The following PPM1E variants were observed in gnomAD, a reference collection of about 807,000 sequenced individuals.
PPM1E encodes the protein protein phosphatase 1E.
Under a neutral mutation model 65.9 loss-of-function variants are expected in PPM1E, and 20 were observed. The ratio of observed to expected loss-of-function variants is 0.30; its 90% CI spans 0.21 to 0.44. The LOEUF is 0.44. Ranked by LOEUF, PPM1E falls within the 20% of genes least tolerant of loss-of-function variation. The pLI, the probability that PPM1E is intolerant of heterozygous loss-of-function variation, is 1.00. For missense variants in PPM1E, 713 were observed against 953.1 expected, an observed-to-expected ratio of 0.75 and a Z score of 3.32; for synonymous variants, 352 against 374.9, an observed-to-expected ratio of 0.94 and a Z score of 0.70.
chr17:58,837,591 A>G (rs902359933), intron 1 of PPM1E, among the ~76,000 whole-genome samples: 3 of 149,750 alleles, frequency 2.0e-5, no homozygotes, highest in Non-Finnish European at 4.4e-5. Flanking sequence ...TCTGCCTCCC[A>G]GGTACAAGTG....
intron 1 of PPM1E, among the ~76,000 whole-genome samples, chr17:58,933,262 G>T (rs1459445463): frequency 6.6e-6 from 1 of 152,100 alleles, no homozygotes; most frequent in Non-Finnish European, 1.5e-5. Context: ...CTATTTGTAT[G>T]GCTATAATAA....
chr17:58,823,788 T>G (rs1470961012), intron 1 of PPM1E, among the ~76,000 whole-genome samples: 1 of 152,192 alleles, frequency 6.6e-6, no homozygotes, highest in African/African-American at 2.4e-5. Context: ...TGGAGTGCAG[T>G]GGCTCGATCT....
intron 1 of PPM1E, among the ~76,000 whole-genome samples, chr17:58,801,746 T>C (rs918859789): frequency 6.6e-6 from 1 of 151,554 alleles, no homozygotes; most frequent in South Asian, 2.1e-4. Flanking sequence ...CGGCTCCCCT[T>C]CAGTTTTTTT....
chr17:58,874,612 T>C (rs2051108726), intron 1 of PPM1E, among the ~76,000 whole-genome samples: 1 of 152,186 alleles, frequency 6.6e-6, no homozygotes, highest in African/African-American at 2.4e-5. Context: ...ACCTCAAAGA[T>C]ATATCAGTTA....
intron 1 of PPM1E, among the ~76,000 whole-genome samples, chr17:58,875,596 C>T (rs1167553448): frequency 6.6e-6 from 1 of 152,136 alleles, no homozygotes; most frequent in Non-Finnish European, 1.5e-5. Context: ...ATATAAGTTG[C>T]TTCTGTTTTA....
intron 1 of PPM1E, among the ~76,000 whole-genome samples, chr17:58,935,115 G>A (rs1342722405): frequency 6.6e-6 from 1 of 151,414 alleles, no homozygotes; most frequent in African/African-American, 2.4e-5. Flanking sequence ...GCTGGGCGCA[G>A]TGGCGGGTGC....
rs552061516 is a variant in PPM1E at position 58,944,877 on chromosome 17, T to A, written c.465-10772T>A. On this transcript the variant is annotated intron_variant, in intron 1 of 6. Transcript: ENST00000308249. ...GAGTGGAATTGCTGGGCTGGCCATA[T>A]GGTAACTTTATGTTTAAAATGTTAA... Among the ~76,000 whole-genome samples, 39 of 152,318 alleles carry A rather than the reference T, an allele frequency of 2.6e-4. 1 individual carries two copies. The South Asian group carries it at 7.9e-3, about 31-fold the overall frequency.
rs2049761971 is a variant in PPM1E, at chr17:58,756,255, G to A, written c.258G>A (p.Glu86=). ...AGGGGGACCAGGAGCAAGACCCGGA[G>A]CCCGAGGAGGAGGCGGCGGTTGAGG... ...TEEGDQEQDP[E]PEEEAAVEGE... The change falls in exon 1 of 7, where the codon GAG becomes GAA. Residue 86 remains glutamate (E), a synonymous_variant. Coordinates refer to ENST00000308249, the MANE Select transcript of PPM1E (RefSeq NM_014906.5). The A allele has an allele frequency of 1.9e-6, 3 of 1,550,328 alleles. No homozygotes were observed. The highest frequency in any genetic ancestry group is 2.6e-6 in the Non-Finnish European group (3 of 1,146,602).
At chr17:58,799,860 G>A (rs911023061) in intron 1 of PPM1E, among the ~76,000 whole-genome samples, 6 of 152,218 alleles carry the variant, frequency 3.9e-5, no homozygotes, top group Admixed American at 1.3e-4. Context: ...GATTACAGGT[G>A]TGAGCTACCA....
At chr17:58,843,216 C>T (rs190210523) in intron 1 of PPM1E, among the ~76,000 whole-genome samples, 1 of 150,110 alleles carries the variant, frequency 6.7e-6, no homozygotes, top group Non-Finnish European at 1.5e-5. Context: ...ACCTGGGAGG[C>T]GTGAACCTGG....
At chr17:58,850,605 C>T (rs567740509) in intron 1 of PPM1E, among the ~76,000 whole-genome samples, 2 of 152,236 alleles carry the variant, frequency 1.3e-5, no homozygotes, top group East Asian at 3.9e-4. Context: ...AATATTGGCC[C>T]CCACTCTCTT....
intron 1 of PPM1E, among the ~76,000 whole-genome samples, chr17:58,931,283 G>A (rs1299766891): frequency 1.3e-5 from 2 of 151,990 alleles, no homozygotes; most frequent in African/African-American, 2.4e-5. Context: ...CTACTTGGGA[G>A]GATGAGGCAG....
chr17:58,958,765 GTTTT>G (rs993925255), intron 2 of PPM1E, among the ~76,000 whole-genome samples: 2 of 147,966 alleles, frequency 1.4e-5, no homozygotes, highest in Non-Finnish European at 3.0e-5. Context: ...AATTCCAATG[GTTTT>G]TTTTTTATTA....
chr17:58,947,007 G>T (rs1227040595), intron 1 of PPM1E, among the ~76,000 whole-genome samples: 4 of 151,134 alleles, frequency 2.6e-5, no homozygotes, highest in Admixed American at 2.6e-4. Flanking sequence ...TTTGTATATG[G>T]TGTAAGGAAG....
chr17:58,922,663 C>T (rs1482439732), intron 1 of PPM1E, among the ~76,000 whole-genome samples: 6 of 148,870 alleles, frequency 4.0e-5, no homozygotes, highest in Admixed American at 6.7e-5. Context: ...TAGTGAACAT[C>T]TTTAAATATA....
At chr17:58,835,007 C>T (rs1239264214) in intron 1 of PPM1E, among the ~76,000 whole-genome samples, 1 of 152,092 alleles carries the variant, frequency 6.6e-6, no homozygotes, top group Non-Finnish European at 1.5e-5. Context: ...GCCTCCGAAT[C>T]CATGAGAATG....
In PPM1E at chr17:58,798,849, A is replaced by G. The variant is rs183572915; in HGVS notation, c.464+42388A>G. 1.2e-3 allele frequency among the ~76,000 whole-genome samples: 188 copies of G among 152,090 alleles called. 1 individual carries two copies. Among genetic ancestry groups the G allele is most frequent in the Admixed American group, 7.9e-3 (120 of 15,258 alleles). On this transcript the variant is annotated intron_variant, in intron 1 of 6. Coordinates refer to ENST00000308249, the MANE Select transcript of PPM1E (RefSeq NM_014906.5). ...GCTGAGATTACAGATGCATGCCACC[A>G]TGCTCGGCTAAATTTTGTATTTTTA...
chr17:58,887,741 G>A lies in PPM1E; in HGVS notation c.465-67908G>A, dbSNP rs947955780. Among the ~76,000 whole-genome samples, 3 of 152,320 alleles carry A rather than the reference G, an allele frequency of 2.0e-5. No individual in the cohort carries two copies. The South Asian group carries it at 6.2e-4, about 32-fold the overall frequency. Reference sequence around the variant, plus strand: ...GTCAGGATTTTGAATTTTTCCCTGAGTGAGATGGGAAGGCTGAGCAGAGGA... The same window carrying A: ...GTCAGGATTTTGAATTTTTCCCTGAATGAGATGGGAAGGCTGAGCAGAGGA... On this transcript the variant is annotated intron_variant, in intron 1 of 6. Coordinates refer to ENST00000308249, the MANE Select transcript of PPM1E (RefSeq NM_014906.5).
At chr17:58,787,491 C>T (rs146510785) in intron 1 of PPM1E, among the ~76,000 whole-genome samples, 12 of 151,138 alleles carry the variant, frequency 7.9e-5, no homozygotes, top group South Asian at 4.2e-4. Flanking sequence ...TTTAATAATT[C>T]GTTATTCTTG....
Sources: gnomAD v4.1 joint callset for allele counts (sites outside exome capture counted in the v4.1 genomes callset) on GRCh38, gnomAD v4.1.1 for gene constraint, MANE v1.5 for transcripts, NCBI Gene and HGNC (gene_info 2026-07-23, HGNC 2026-07-21) for gene names.